GRM7: variants seen among roughly 807,000 people sequenced by gnomAD.
The protein encoded by GRM7 is glutamate metabotropic receptor 7.
Under a neutral mutation model 84.5 loss-of-function variants are expected in GRM7, and 35 were observed. The ratio of observed to expected loss-of-function variants is 0.41; its 90% CI spans 0.32 to 0.55. The LOEUF is 0.55. GRM7 is among the 20% of genes least tolerant of loss of function. The pLI is 0.19. For synonymous variants in GRM7, 487 were observed against 455.1 expected (o/e 1.07, Z -0.89); for missense variants, 1,003 against 1,194.6 (o/e 0.84, Z 2.36).
At chr3:7,703,648 G>A (rs1701300710) in intron 9 of GRM7, among the ~76,000 whole-genome samples, 1 of 152,060 alleles carries the variant, frequency 6.6e-6, no homozygotes, top group South Asian at 2.1e-4. Flanking sequence ...CTACCATCTG[G>A]CCCAGTCTTT....
intron 1 of GRM7, among the ~76,000 whole-genome samples, chr3:7,040,457 C>G (rs1375967324): frequency 6.6e-6 from 1 of 151,984 alleles, no homozygotes; most frequent in Non-Finnish European, 1.5e-5. Flanking sequence ...TGCCTGCCAC[C>G]ATGCCCAGCT....
chr3:7,130,095 A>G (rs1444080304), intron 1 of GRM7, among the ~76,000 whole-genome samples: 2 of 152,200 alleles, frequency 1.3e-5, no homozygotes, highest in African/African-American at 4.8e-5. Context: ...CCATAAAAGT[A>G]GAGATCTGAC....
At chr3:7,389,302 T>C (rs1299324380) in intron 4 of GRM7, among the ~76,000 whole-genome samples, 2 of 152,156 alleles carry the variant, frequency 1.3e-5, no homozygotes, top group African/African-American at 4.8e-5. Flanking sequence ...GAGAAAATGG[T>C]AAATATTAGA....
At chr3:6,894,043 T>C (rs1696075250) in intron 1 of GRM7, 1 of 152,158 alleles carries the variant, frequency 6.6e-6, no homozygotes, top group South Asian at 2.1e-4. Context: ...AATGGAAAAC[T>C]TTTAGACAAT....
intron 1 of GRM7, among the ~76,000 whole-genome samples, chr3:6,937,282 A>T (rs1697727185): frequency 6.6e-6 from 1 of 152,200 alleles, no homozygotes; most frequent in Non-Finnish European, 1.5e-5. Flanking sequence ...AGAATGGAAA[A>T]TGGGAAAGGA....
At chr3:7,325,384 G>T (rs1429373905) in intron 4 of GRM7, among the ~76,000 whole-genome samples, 1 of 152,164 alleles carries the variant, frequency 6.6e-6, no homozygotes, top group Non-Finnish European at 1.5e-5. Flanking sequence ...ATCACTTGCT[G>T]GGTGAACTTA....
chr3:7,151,061 A>G lies in GRM7; in HGVS notation c.736+4393A>G, dbSNP rs1694272202. Among the ~76,000 whole-genome samples the G allele has an allele frequency of 6.6e-6, 1 of 152,170 alleles. No homozygotes were observed. On this transcript the variant is annotated intron_variant, in intron 2 of 9. Transcript: ENST00000357716. This position sits in a 1 kb window ranked among gnomAD's most constrained non-coding sequence, Gnocchi z 4.5. ...TGATATTTTACAGTGATCACTTAAC[A>G]TAGTTGTATTTCAATTGTTCTTATA...
chr3:7,498,730 A>G (rs1161528622), intron 7 of GRM7, among the ~76,000 whole-genome samples: 1 of 152,204 alleles, frequency 6.6e-6, no homozygotes, highest in Non-Finnish European at 1.5e-5. Flanking sequence ...CGCCTAGTTC[A>G]GTGGTTTCAA....
chr3:7,128,348 A>C (rs139121664), intron 1 of GRM7, among the ~76,000 whole-genome samples: 1 of 151,758 alleles, frequency 6.6e-6, no homozygotes, highest in East Asian at 1.9e-4. Context: ...TGACTGCTGA[A>C]AACCAGACAC....
At chr3:7,594,821 TG>T (rs1695961410) in intron 8 of GRM7, among the ~76,000 whole-genome samples, 2 of 152,208 alleles carry the variant, frequency 1.3e-5, no homozygotes, top group African/African-American at 4.8e-5. Context: ...GAGAGATATA[TG>T]GCCTAGGAGA....
intron 1 of GRM7, among the ~76,000 whole-genome samples, chr3:6,912,091 T>C (rs755581636): frequency 2.6e-5 from 4 of 152,172 alleles, no homozygotes; most frequent in Non-Finnish European, 4.4e-5. Flanking sequence ...TCTGATTGTT[T>C]AGTGCTTTCT....
chr3:7,626,450 G>T (rs368148823), intron 8 of GRM7, among the ~76,000 whole-genome samples: 2 of 152,134 alleles, frequency 1.3e-5, no homozygotes, highest in African/African-American at 4.8e-5. Flanking sequence ...CCACAAAACC[G>T]GGTGGCATAA....
chr3:7,423,669 T>C (rs1575315422), intron 5 of GRM7, among the ~76,000 whole-genome samples: 1 of 84,468 alleles, frequency 1.2e-5, no homozygotes, highest in Admixed American at 1.8e-4. Flanking sequence ...AAGAGAAATA[T>C]GGATACAAAA....
chr3:7,395,458 G>A (rs1347931637), intron 4 of GRM7, among the ~76,000 whole-genome samples: 2 of 152,130 alleles, frequency 1.3e-5, no homozygotes, highest in Non-Finnish European at 2.9e-5. Flanking sequence ...TACTAGAGAG[G>A]AGGAATAATT....
chr3:6,927,463 G>GAGAGAA (rs1553595155), intron 1 of GRM7, among the ~76,000 whole-genome samples: 4,240 of 93,044 alleles, frequency 0.046, 106 homozygotes, highest in African/African-American at 0.073. Context: ...GAAAGAGAGA[G>GAGAGAA]AGAAAGAAAG....
intron 1 of GRM7, among the ~76,000 whole-genome samples, chr3:7,079,406 A>G (rs1346781032): frequency 1.3e-5 from 2 of 152,190 alleles, no homozygotes; most frequent in Non-Finnish European, 2.9e-5. Flanking sequence ...GAAGTCCAAG[A>G]TAGGATTAAA....
At chr3:7,447,060 G>A (rs1448622522) in intron 5 of GRM7, among the ~76,000 whole-genome samples, 1 of 151,774 alleles carries the variant, frequency 6.6e-6, no homozygotes, top group African/African-American at 2.4e-5. Flanking sequence ...CTGGGTAAAA[G>A]TAATAATGAG....
intron 2 of GRM7, among the ~76,000 whole-genome samples, chr3:7,270,987 G>A (rs888902225): frequency 6.6e-6 from 1 of 152,076 alleles, no homozygotes; most frequent in Non-Finnish European, 1.5e-5. Flanking sequence ...CTGGAATTTT[G>A]CAGCCAGGTC....
intron 1 of GRM7, among the ~76,000 whole-genome samples, chr3:6,876,527 T>C (rs895573542): frequency 9.3e-5 from 14 of 151,110 alleles, no homozygotes; most frequent in Non-Finnish European, 1.8e-4. Flanking sequence ...TATATACTCA[T>C]GTTAAAATAT....
Sources: allele counts gnomAD v4.1 joint callset (sites outside exome capture counted in the v4.1 genomes callset), GRCh38; gene constraint gnomAD v4.1.1; non-coding constraint Gnocchi (gnomAD v3.1); transcripts MANE v1.5; gene names NCBI Gene and HGNC (gene_info 2026-07-23, HGNC 2026-07-21).